Variants in CDH13 observed in about 807,000 individuals in gnomAD.
CDH13 encodes the protein cadherin 13.
CDH13 carries 24 observed loss-of-function variants against 63.8 expected under a neutral mutation model. The ratio of observed to expected loss-of-function variants is 0.38; its 90% CI spans 0.27 to 0.53. The LOEUF is 0.53. Among genes scored for constraint, CDH13 ranks in the 20% least tolerant of loss-of-function variants. The pLI is 0.85. For synonymous variants in CDH13, 503 were observed against 355.3 expected (o/e 1.42, Z -4.67); for missense variants, 1,049 against 903.1 (o/e 1.16, Z -2.07).
At chr16:82,832,409 G>A (rs1335079753) in intron 1 of CDH13, among the ~76,000 whole-genome samples, 2 of 152,194 alleles carry the variant, frequency 1.3e-5, no homozygotes, top group Admixed American at 6.5e-5. Flanking sequence ...CGACTTAGGT[G>A]TGACTTTTCA....
chr16:83,334,155 C>T (rs2090536564), intron 5 of CDH13, among the ~76,000 whole-genome samples: 1 of 152,122 alleles, frequency 6.6e-6, no homozygotes, highest in African/African-American at 2.4e-5. Flanking sequence ...TATCCCATCA[C>T]TCTGACCTTC....
intron 7 of CDH13, among the ~76,000 whole-genome samples, chr16:83,562,098 CAGACTAGTGCAAA>C (rs1405709915): frequency 6.6e-6 from 1 of 152,172 alleles, no homozygotes; most frequent in African/African-American, 2.4e-5. Flanking sequence ...GTTTAGATCT[CAGACTAGTGCAAA>C]AGTCTGCATG....
intron 6 of CDH13, among the ~76,000 whole-genome samples, chr16:83,442,611 A>G (rs2072511797): frequency 6.6e-6 from 1 of 152,214 alleles, no homozygotes; most frequent in African/African-American, 2.4e-5. Context: ...TTCTATGACA[A>G]GAAGCTTATA....
chr16:83,033,238 C>A (rs1037017864), intron 3 of CDH13, among the ~76,000 whole-genome samples: 1 of 150,980 alleles, frequency 6.6e-6, no homozygotes, highest in Non-Finnish European at 1.5e-5. Flanking sequence ...TCCCATTGAC[C>A]TTCAGTGACT....
At chr16:83,606,012 C>A (rs944998436) in intron 8 of CDH13, among the ~76,000 whole-genome samples, 1 of 152,156 alleles carries the variant, frequency 6.6e-6, no homozygotes, top group Non-Finnish European at 1.5e-5. Context: ...TGAGGACTGG[C>A]TCAGATGCAG....
intron 3 of CDH13, among the ~76,000 whole-genome samples, chr16:83,079,488 C>G (rs1032148096): frequency 6.6e-6 from 1 of 152,258 alleles, no homozygotes; most frequent in Admixed American, 6.5e-5. Context: ...AAAATATGTG[C>G]TTTAATGAGA....
intron 4 of CDH13, among the ~76,000 whole-genome samples, chr16:83,139,822 G>A (rs566517306): frequency 6.6e-6 from 1 of 152,214 alleles, no homozygotes; most frequent in South Asian, 2.1e-4. Context: ...GACCAACATG[G>A]AGAAACCCCA....
chr16:82,920,489 C>G (rs2042120909), intron 2 of CDH13, among the ~76,000 whole-genome samples: 1 of 152,176 alleles, frequency 6.6e-6, no homozygotes, highest in Non-Finnish European at 1.5e-5. Flanking sequence ...TGACCTGGGT[C>G]AAAGTCAAAT....
At chr16:83,406,939 T>A (rs2092057006) in intron 6 of CDH13, among the ~76,000 whole-genome samples, 1 of 152,244 alleles carries the variant, frequency 6.6e-6, no homozygotes, top group Non-Finnish European at 1.5e-5. Flanking sequence ...ATTGTTAAAA[T>A]TAGTTTATGA....
chr16:83,509,841 T>C (rs2074515348), intron 7 of CDH13, among the ~76,000 whole-genome samples: 1 of 152,192 alleles, frequency 6.6e-6, no homozygotes, highest in Admixed American at 6.5e-5. Flanking sequence ...TTGGAGGACC[T>C]TGTTTTCCTC....
intron 1 of CDH13, among the ~76,000 whole-genome samples, chr16:82,725,273 C>G (rs951106677): frequency 2.6e-5 from 4 of 152,160 alleles, no homozygotes; most frequent in African/African-American, 9.6e-5. Context: ...TATTGTCTCT[C>G]AAGTTCTGAA....
At chr16:82,943,098 T>C (rs1904319780) in intron 2 of CDH13, among the ~76,000 whole-genome samples, 1 of 152,230 alleles carries the variant, frequency 6.6e-6, no homozygotes, top group Non-Finnish European at 1.5e-5. Flanking sequence ...TAATTGCACT[T>C]TGGAATCGTA....
intron 1 of CDH13, among the ~76,000 whole-genome samples, chr16:82,740,334 G>A (rs1476145000): frequency 6.6e-6 from 1 of 152,120 alleles, no homozygotes; most frequent in African/African-American, 2.4e-5. Context: ...TGGTGAAACT[G>A]GGCTACATTT....
chr16:83,711,297 G>C (rs1214331481), intron 10 of CDH13, among the ~76,000 whole-genome samples: 1 of 152,180 alleles, frequency 6.6e-6, no homozygotes, highest in East Asian at 1.9e-4. Context: ...ATTGCATTCT[G>C]TGAGCAAACA....
intron 1 of CDH13, among the ~76,000 whole-genome samples, chr16:82,808,780 C>A (rs901605644): frequency 6.6e-6 from 1 of 152,058 alleles, no homozygotes; most frequent in African/African-American, 2.4e-5. Flanking sequence ...AGCAGTCTTC[C>A]CAAACTTACC....
At chr16:83,482,583 C>G (rs990275931) in intron 6 of CDH13, among the ~76,000 whole-genome samples, 1 of 152,192 alleles carries the variant, frequency 6.6e-6, no homozygotes. Context: ...TTTATCCAGC[C>G]TTTGCAGAAC....
intron 1 of CDH13, among the ~76,000 whole-genome samples, chr16:82,798,982 G>A (rs1395969839): frequency 6.6e-6 from 1 of 152,128 alleles, no homozygotes; most frequent in African/African-American, 2.4e-5. Context: ...ACCTGACAGA[G>A]GTAGGATTCC....
chr16:83,359,313 A>T (rs141208346), intron 6 of CDH13, among the ~76,000 whole-genome samples: 5 of 152,302 alleles, frequency 3.3e-5, no homozygotes, highest in African/African-American at 1.2e-4. Context: ...GCTAATAACA[A>T]TGCCCCAAAA....
At chr16:83,023,229 A>G (rs1249087899) in intron 2 of CDH13, 1 of 152,180 alleles carries the variant, frequency 6.6e-6, no homozygotes, top group Admixed American at 6.6e-5. Flanking sequence ...AAAGCGCTGA[A>G]AGCATAATTG....
Sources: allele counts gnomAD v4.1 joint callset (sites outside exome capture counted in the v4.1 genomes callset), GRCh38; gene constraint gnomAD v4.1.1; transcripts MANE v1.5; gene names NCBI Gene and HGNC (gene_info 2026-07-23, HGNC 2026-07-21).